FAM81A: variants seen among roughly 807,000 people sequenced by gnomAD.
FAM81A encodes family with sequence similarity 81 member A, also known as protein FAM81A.
A neutral mutation model predicts 46.7 loss-of-function variants in FAM81A; 19 were observed. The ratio of observed to expected loss-of-function variants is 0.41; its 90% CI spans 0.28 to 0.60. The LOEUF is 0.60. FAM81A is among the 20% of genes least tolerant of loss of function. The pLI is 0.34. For missense variants in FAM81A, 377 were observed against 453.5 expected (o/e 0.83, Z 1.53); for synonymous variants, 183 against 152.9 (o/e 1.20, Z -1.45).
chr15:59,467,224 T>C (rs2081625529), intron 3 of FAM81A, among the ~76,000 whole-genome samples: 1 of 152,172 alleles, frequency 6.6e-6, no homozygotes, highest in African/African-American at 2.4e-5. Context: ...TTTAAAGCAG[T>C]TTTTTTCAAT....
At chr15:59,475,252 C>G (rs1462419203) in intron 3 of FAM81A, among the ~76,000 whole-genome samples, 4 of 151,974 alleles carry the variant, frequency 2.6e-5, no homozygotes, top group Admixed American at 6.5e-5. Context: ...TCAAGTGATT[C>G]TCATGCCTCA....
chr15:59,428,168 C>T (rs150423726), intron 2 of FAM81A, among the ~76,000 whole-genome samples: 1,718 of 152,254 alleles, frequency 0.011, 29 homozygotes, highest in African/African-American at 0.036. Flanking sequence ...TGTTGAGCAC[C>T]TTTTCATACA....
chr15:59,491,038 A>G (rs1346778192), intron 3 of FAM81A, among the ~76,000 whole-genome samples: 3 of 152,224 alleles, frequency 2.0e-5, no homozygotes, highest in Non-Finnish European at 2.9e-5. Context: ...GAGCTACCAT[A>G]TGATTCAGCA....
intron 2 of FAM81A, among the ~76,000 whole-genome samples, chr15:59,419,151 G>T (rs548813721): frequency 6.6e-6 from 1 of 152,112 alleles, no homozygotes; most frequent in Non-Finnish European, 1.5e-5. Flanking sequence ...AACACAGTAG[G>T]CACGCCCATA....
In FAM81A at chr15:59,460,961, A is replaced by G. The variant is rs543305848; in HGVS notation, c.294+755A>G. 2.0e-5 allele frequency among the ~76,000 whole-genome samples: 3 copies of G among 152,104 alleles called. No individual in the cohort carries two copies. The South Asian group carries it at 6.2e-4, about 31-fold the overall frequency. ...TCTGAATTATGCTTCCTAAAATTAA[A>G]CCTCATTTCTTTTTTTTCCATTGTC... On this transcript the variant is annotated intron_variant, in intron 3 of 8. Coordinates refer to ENST00000288228, the MANE Select transcript of FAM81A (RefSeq NM_152450.3). This position sits in a 1 kb window ranked among gnomAD's most constrained non-coding sequence, Gnocchi z 4.4.
At chr15:59,505,545 T>A (rs560336207) in intron 4 of FAM81A, among the ~76,000 whole-genome samples, 1 of 151,942 alleles carries the variant, frequency 6.6e-6, no homozygotes, top group Non-Finnish European at 1.5e-5. Context: ...AAGGCGTCAT[T>A]GATCATCTTA....
chr15:59,453,207 C>G (rs1414644780), intron 1 of FAM81A, among the ~76,000 whole-genome samples: 2 of 152,204 alleles, frequency 1.3e-5, no homozygotes, highest in Non-Finnish European at 1.5e-5. Flanking sequence ...TCCATAGCCT[C>G]CTGTGGCTAA....
At chr15:59,519,562 T>C (rs1423118891) in intron 8 of FAM81A, among the ~76,000 whole-genome samples, 2 of 141,230 alleles carry the variant, frequency 1.4e-5, no homozygotes, top group Non-Finnish European at 3.3e-5. Context: ...TTCTTTCCTT[T>C]CCCTTCCCTT....
intron 2 of FAM81A, among the ~76,000 whole-genome samples, chr15:59,423,115 T>C (rs1051610793): frequency 1.3e-5 from 2 of 152,204 alleles, no homozygotes; most frequent in East Asian, 1.9e-4. Flanking sequence ...TTTTACTTTT[T>C]AAGACGGAGT....
intron 2 of FAM81A, among the ~76,000 whole-genome samples, chr15:59,409,281 C>T (rs1015633344): frequency 2.0e-5 from 3 of 152,126 alleles, no homozygotes; most frequent in Admixed American, 2.0e-4. Context: ...CCATTATGCC[C>T]GAAGATGCCT....
intron 3 of FAM81A, among the ~76,000 whole-genome samples, chr15:59,461,520 T>A (rs528505888): frequency 6.6e-6 from 1 of 152,242 alleles, no homozygotes; most frequent in South Asian, 2.1e-4. Flanking sequence ...ATCGTCTCAC[T>A]ATGTTGCCCA....
At chr15:59,464,317 C>T (rs1478645388) in intron 3 of FAM81A, among the ~76,000 whole-genome samples, 6 of 152,152 alleles carry the variant, frequency 3.9e-5, no homozygotes, top group Admixed American at 2.0e-4. Flanking sequence ...GATTTCCTTT[C>T]CTTTGGATAA....
At chr15:59,441,848 TC>T (rs2081301080) in intron 1 of FAM81A, among the ~76,000 whole-genome samples, 1 of 152,170 alleles carries the variant, frequency 6.6e-6, no homozygotes, top group African/African-American at 2.4e-5. Flanking sequence ...CCTTTCCTTT[TC>T]CTCCTCCCTT....
intron 1 of FAM81A, among the ~76,000 whole-genome samples, chr15:59,441,806 G>T (rs528649557): frequency 2.7e-4 from 41 of 152,256 alleles, no homozygotes; most frequent in African/African-American, 9.6e-4. Flanking sequence ...ATGTAGACAC[G>T]GGGATGCTGT....
chr15:59,498,475 A>T (rs76050547), intron 4 of FAM81A, among the ~76,000 whole-genome samples: 26 of 152,198 alleles, frequency 1.7e-4, no homozygotes, highest in African/African-American at 6.3e-4. Context: ...GCAAATAAAG[A>T]TAGTTTTACT....
intron 6 of FAM81A, among the ~76,000 whole-genome samples, chr15:59,512,445 C>CT (rs1194393415): frequency 3.9e-5 from 5 of 129,832 alleles, no homozygotes; most frequent in African/African-American, 1.5e-4. Context: ...GTACTCCAGC[C>CT]TGGGCGACAG....
chr15:59,399,520 T>C (rs951685013), intron 1 of FAM81A, among the ~76,000 whole-genome samples: 3 of 152,096 alleles, frequency 2.0e-5, no homozygotes, highest in Admixed American at 2.0e-4. Flanking sequence ...AGATATGGTA[T>C]CTGAGCACTG....
At chr15:59,457,258 T>C (rs1345790745) in intron 1 of FAM81A, among the ~76,000 whole-genome samples, 7 of 152,200 alleles carry the variant, frequency 4.6e-5, no homozygotes, top group Non-Finnish European at 7.3e-5. Flanking sequence ...GCGATCCTGC[T>C]CCCTCCTGCC....
chr15:59,433,673 T>A (rs2081230865), upstream of FAM81A, among the ~76,000 whole-genome samples: 1 of 152,198 alleles, frequency 6.6e-6, no homozygotes, highest in Admixed American at 6.5e-5. Context: ...ATTTTCTTAA[T>A]TCTATTTTAC....
Sources: allele counts gnomAD v4.1 joint callset (sites outside exome capture counted in the v4.1 genomes callset), GRCh38; gene constraint gnomAD v4.1.1; non-coding constraint Gnocchi (gnomAD v3.1); transcripts MANE v1.5; gene names NCBI Gene and HGNC (gene_info 2026-07-23, HGNC 2026-07-21).